The following ZNG1A variants were observed in gnomAD, a reference collection of about 807,000 sequenced individuals.
ZNG1A encodes zinc-regulated GTPase metalloprotein activator 1A.
chr9:139,977 C>A, the ZNG1A span, among the ~76,000 whole-genome samples: 3 of 150,592 alleles, frequency 2.0e-5, no homozygotes, highest in East Asian at 1.9e-4. Context: ...CGGCGCACCA[C>A]GAGATTATAT....
At chr9:177,901 G>C in the ZNG1A span, 2 of 1,517,064 alleles carry the variant, frequency 1.3e-6, no homozygotes, top group Non-Finnish European at 1.8e-6. Flanking sequence ...AGTCTACAAA[G>C]TTTTTAAAAA....
the ZNG1A span, among the ~76,000 whole-genome samples, chr9:142,081 A>C: frequency 6.9e-6 from 1 of 145,346 alleles, no homozygotes; most frequent in African/African-American, 2.7e-5. Context: ...AGACTCCCAC[A>C]CAATAATAAT....
chr9:135,304 T>C, the ZNG1A span, among the ~76,000 whole-genome samples: 1 of 146,944 alleles, frequency 6.8e-6, no homozygotes, highest in Non-Finnish European at 1.5e-5. Flanking sequence ...CTATTTTGTA[T>C]GGTTAAATAT....
At chr9:135,725 A>G in the ZNG1A span, among the ~76,000 whole-genome samples, 14 of 98,182 alleles carry the variant, frequency 1.4e-4, no homozygotes, top group South Asian at 4.1e-4. Flanking sequence ...TTGCCTTGAA[A>G]ACAGTGAGGG....
the ZNG1A span, chr9:153,821 C>G: frequency 6.6e-6 from 1 of 150,500 alleles, no homozygotes; most frequent in Non-Finnish European, 1.5e-5. Flanking sequence ...GATTCAAAAT[C>G]TAATGTCAGT....
the ZNG1A span, chr9:178,892 C>G: frequency 8.7e-7 from 1 of 1,152,948 alleles, no homozygotes; most frequent in Non-Finnish European, 1.2e-6. Flanking sequence ...TTTGCGTCGT[C>G]TCAATGGGAA....
At chr9:150,318 G>C in the ZNG1A span, 3 of 375,294 alleles carry the variant, frequency 8.0e-6, no homozygotes, top group Admixed American at 2.0e-4. Flanking sequence ...AGTAGAGACG[G>C]GGTTTCACAG....
At chr9:172,863 C>T in the ZNG1A span, 14 of 268,612 alleles carry the variant, frequency 5.2e-5, no homozygotes, top group South Asian at 2.3e-4. Flanking sequence ...CTAGTGAACA[C>T]TGTCCTTGAA....
chr9:170,256 A>G, the ZNG1A span, among the ~76,000 whole-genome samples: 1 of 151,626 alleles, frequency 6.6e-6, no homozygotes, highest in Non-Finnish European at 1.5e-5. Context: ...ACAAGCTCCC[A>G]GCTGAGGCTG....
chr9:178,440 G>T, the ZNG1A span, among the ~76,000 whole-genome samples: 31,008 of 101,368 alleles, frequency 0.31, 6,558 homozygotes, highest in Non-Finnish European at 0.45. Context: ...ACAGGTAGGT[G>T]GTTCCGGCCC....
chr9:172,285 G>A, the ZNG1A span: 4 of 1,401,506 alleles, frequency 2.9e-6, no homozygotes, highest in Non-Finnish European at 3.9e-6. Flanking sequence ...CCTTGGGAAT[G>A]TGAAAATTTA....
At chr9:178,728 C>T in the ZNG1A span, 3 of 1,014,680 alleles carry the variant, frequency 3.0e-6, no homozygotes, top group Non-Finnish European at 4.4e-6. Context: ...CATGAGGCCC[C>T]AATGCCTCAG....
the ZNG1A span, chr9:151,364 A>T: frequency 2.0e-6 from 2 of 980,804 alleles, no homozygotes; most frequent in East Asian, 2.3e-4. Context: ...GAGTGGAACT[A>T]GACTGCCAGC....
the ZNG1A span, among the ~76,000 whole-genome samples, chr9:125,056 C>A: frequency 6.6e-6 from 1 of 152,156 alleles, no homozygotes; most frequent in Admixed American, 6.5e-5. Context: ...GACTTCTTTT[C>A]CTCTGGGTGG....
chr9:160,956 G>A, the ZNG1A span, among the ~76,000 whole-genome samples: 2 of 150,848 alleles, frequency 1.3e-5, no homozygotes, highest in Non-Finnish European at 2.9e-5. Flanking sequence ...CTGTATTTGG[G>A]ATCATTCTTT....
the ZNG1A span, chr9:147,149 G>C: frequency 7.3e-6 from 1 of 136,992 alleles, no homozygotes; most frequent in East Asian, 2.1e-4. Flanking sequence ...CTGCACTCCA[G>C]CCTGGCACAG....
the ZNG1A span, among the ~76,000 whole-genome samples, chr9:162,665 G>A: frequency 2.4e-4 from 36 of 149,782 alleles, no homozygotes; most frequent in Non-Finnish European, 5.2e-4. Context: ...TGCATTTCCT[G>A]AGTGGCTAGC....
the ZNG1A span, among the ~76,000 whole-genome samples, chr9:176,229 A>C: frequency 1.4e-5 from 2 of 139,642 alleles, no homozygotes; most frequent in Non-Finnish European, 1.5e-5. Context: ...ATAAATTCAT[A>C]AAGCTATACC....
the ZNG1A span, among the ~76,000 whole-genome samples, chr9:176,101 C>T: frequency 0.023 from 3,321 of 145,722 alleles, 84 homozygotes; most frequent in Non-Finnish European, 0.032. Flanking sequence ...ATTAACAAGA[C>T]GCAACTTCAG....
Sources: gnomAD v4.1 joint callset for allele counts (sites outside exome capture counted in the v4.1 genomes callset) on GRCh38, gnomAD v4.1.1 for gene constraint, MANE v1.5 for transcripts, NCBI Gene and HGNC (gene_info 2026-07-23, HGNC 2026-07-21) for gene names.